The following MAN2A1 variants were observed in gnomAD, a reference collection of about 807,000 sequenced individuals.
MAN2A1 encodes the protein alpha-mannosidase 2.
Under a neutral mutation model 142.6 loss-of-function variants are expected in MAN2A1, and 76 were observed. That is an observed-to-expected ratio of 0.53 (90% CI 0.44 to 0.65). The LOEUF (loss-of-function observed/expected upper bound fraction) is 0.65. MAN2A1 is among the 30% of genes least tolerant of loss of function. The pLI, the probability that MAN2A1 is intolerant of heterozygous loss-of-function variation, is 0.00. For missense variants in MAN2A1, 1,311 were observed against 1,365.1 expected (o/e 0.96, Z 0.62); for synonymous variants, 559 against 473.2 (o/e 1.18, Z -2.35).
chr5:109,800,131 G>GC (rs1483969131), intron 12 of MAN2A1, among the ~76,000 whole-genome samples: 2 of 150,006 alleles, frequency 1.3e-5, no homozygotes, highest in Admixed American at 6.6e-5. Flanking sequence ...ACCTCTAGAT[G>GC]CACCCGAATG....
chr5:109,759,959 A>G (rs1459592936), intron 5 of MAN2A1, among the ~76,000 whole-genome samples: 3 of 33,002 alleles, frequency 9.1e-5, no homozygotes, highest in Non-Finnish European at 1.7e-4. Context: ...ATATATATAT[A>G]TATATAGATA....
intron 16 of MAN2A1, among the ~76,000 whole-genome samples, chr5:109,834,680 TTATC>T (rs1755015508): frequency 6.6e-6 from 1 of 152,206 alleles, no homozygotes; most frequent in South Asian, 2.1e-4. Flanking sequence ...TAGTAGCTGT[TTATC>T]TAGTAGTGTT....
At chr5:109,817,696 T>A (rs1754503701) in intron 13 of MAN2A1, among the ~76,000 whole-genome samples, 1 of 152,202 alleles carries the variant, frequency 6.6e-6, no homozygotes, top group Admixed American at 6.5e-5. Context: ...ATATTGTATA[T>A]CTTTGTAAGG....
intron 10 of MAN2A1, among the ~76,000 whole-genome samples, chr5:109,785,350 TC>T (rs1427207617): frequency 6.6e-6 from 1 of 151,740 alleles, no homozygotes; most frequent in East Asian, 1.9e-4. Flanking sequence ...CTTGTATACT[TC>T]TTTTTTTTTT....
intron 1 of MAN2A1, among the ~76,000 whole-genome samples, chr5:109,703,946 A>G (rs1751058445): frequency 6.6e-6 from 1 of 152,188 alleles, no homozygotes; most frequent in Non-Finnish European, 1.5e-5. Context: ...TAATCTAAAC[A>G]TACATCTGGA....
intron 6 of MAN2A1, 40 bp from the exon 7 acceptor site, chr5:109,770,315 T>A: frequency 6.4e-7 from 1 of 1,572,428 alleles, no homozygotes; most frequent in Non-Finnish European, 8.7e-7. Flanking sequence ...GGAAAACAGA[T>A]TTTATAAATG....
chr5:109,827,031 G>A (rs139999851), intron 16 of MAN2A1, among the ~76,000 whole-genome samples: 1 of 152,158 alleles, frequency 6.6e-6, no homozygotes, highest in African/African-American at 2.4e-5. Flanking sequence ...TACTAAACTA[G>A]TTTTGGATAT....
chr5:109,690,183 C>CCTCGAGAGGGGCGCCCGA lies in MAN2A1; in HGVS notation c.-233_-216dup. ...CCTTCCCAGTTGCCGGCGAGTCTCG[C>CCTCGAGAGGGGCGCCCGA]CTCGAGAGGGGCGCCCGACCCCGGG... On this transcript the variant is annotated 5_prime_UTR_variant, in exon 1 of 22. Transcript: ENST00000261483. 1 of 499,316 alleles carries CCTCGAGAGGGGCGCCCGA rather than the reference C, an allele frequency of 2.0e-6. No individual in the cohort carries two copies. The allele number at this position is 499,316 out of a possible 1,614,324, so 30.9% of individuals were successfully genotyped here.
rs1193668451 is a variant in MAN2A1 at position 109,849,702 on chromosome 5, G to GT, written c.2976+1923dup. On this transcript the variant is annotated intron_variant, in intron 19 of 21. Transcript: ENST00000261483. ...TGTTCTTAACCCAGAAGGCAGAATGGTTTTTTTTTTTGTTTTTTTTCAAAG... is the reference window on the plus strand; with the variant it reads ...TGTTCTTAACCCAGAAGGCAGAATGGTTTTTTTTTTTTGTTTTTTTTCAAAG... Among the ~76,000 whole-genome samples the GT allele has an allele frequency of 6.9e-3, 984 of 143,304 alleles. 10 individuals carry two copies. The highest frequency in any genetic ancestry group is 0.015 in the African/African-American group (586 of 38,442). The allele number at this position is 143,304 out of a possible 152,430, so 94.0% of individuals were successfully genotyped here.
At chr5:109,852,623 TCAGA>T (rs1277368893) in intron 19 of MAN2A1, among the ~76,000 whole-genome samples, 1 of 152,170 alleles carries the variant, frequency 6.6e-6, no homozygotes, top group African/African-American at 2.4e-5. Context: ...TTCTTTAATG[TCAGA>T]CAGGCTGCAG....
At chr5:109,794,662 TAG>T (rs1753817060) in intron 12 of MAN2A1, among the ~76,000 whole-genome samples, 1 of 152,154 alleles carries the variant, frequency 6.6e-6, no homozygotes, top group Admixed American at 6.5e-5. Context: ...CTGATGGTCC[TAG>T]AGACTCTTAA....
intron 4 of MAN2A1, among the ~76,000 whole-genome samples, chr5:109,731,138 T>A (rs1751893735): frequency 6.6e-6 from 1 of 152,084 alleles, no homozygotes; most frequent in Admixed American, 6.6e-5. Flanking sequence ...TATTTTAATA[T>A]AAGCATATAA....
intron 16 of MAN2A1, among the ~76,000 whole-genome samples, chr5:109,826,135 A>C (rs977208364): frequency 6.6e-6 from 1 of 150,622 alleles, no homozygotes; most frequent in Non-Finnish European, 1.5e-5. Flanking sequence ...CGAACTCTTG[A>C]CCTCAGGTAA....
intron 1 of MAN2A1, among the ~76,000 whole-genome samples, chr5:109,709,761 CT>C (rs913608759): frequency 3.3e-5 from 5 of 152,136 alleles, no homozygotes; most frequent in African/African-American, 1.2e-4. Context: ...TCATGACCTC[CT>C]TCCCCACTCC....
chr5:109,774,133 A>G (rs1753220501), intron 7 of MAN2A1, among the ~76,000 whole-genome samples: 1 of 152,222 alleles, frequency 6.6e-6, no homozygotes, highest in African/African-American at 2.4e-5. Flanking sequence ...TAACTAATTC[A>G]ACTCCTAATC....
intron 3 of MAN2A1, among the ~76,000 whole-genome samples, chr5:109,723,485 T>G (rs1751660727): frequency 6.6e-6 from 1 of 152,214 alleles, no homozygotes; most frequent in African/African-American, 2.4e-5. Flanking sequence ...CTCCTTGACC[T>G]CTTATTTCCC....
At chr5:109,764,685 C>T (rs1416684280) in intron 5 of MAN2A1, among the ~76,000 whole-genome samples, 2 of 152,050 alleles carry the variant, frequency 1.3e-5, no homozygotes, top group East Asian at 1.9e-4. Context: ...CTGGATCCAA[C>T]GGTTTTGATG....
chr5:109,776,046 T>G (rs1294310967), intron 8 of MAN2A1, among the ~76,000 whole-genome samples: 1 of 149,068 alleles, frequency 6.7e-6, no homozygotes, highest in Non-Finnish European at 1.5e-5. Context: ...TTTGTTTGTG[T>G]TGGGACAACA....
At chr5:109,704,210 A>C (rs951390799) in intron 1 of MAN2A1, among the ~76,000 whole-genome samples, 4 of 152,178 alleles carry the variant, frequency 2.6e-5, no homozygotes, top group Admixed American at 1.3e-4. Context: ...CTTCACAGTC[A>C]TTTGGCACTC....
Sources: gnomAD v4.1 joint callset for allele counts (sites outside exome capture counted in the v4.1 genomes callset) on GRCh38, gnomAD v4.1.1 for gene constraint, MANE v1.5 for transcripts, NCBI Gene and HGNC (gene_info 2026-07-23, HGNC 2026-07-21) for gene names.